Variants in C1QTNF1 observed in about 807,000 individuals in gnomAD.
The protein encoded by C1QTNF1 is complement C1q tumor necrosis factor-related protein 1.
Under a neutral mutation model 27.8 loss-of-function variants are expected in C1QTNF1, and 22 were observed. The ratio of observed to expected loss-of-function variants is 0.79; its 90% CI spans 0.56 to 1.13. C1QTNF1 has a LOEUF of 1.13. Among genes scored for constraint, C1QTNF1 ranks in the 50% most tolerant of loss-of-function variants. The pLI, the probability that C1QTNF1 is intolerant of heterozygous loss-of-function variation, is 0.00. For missense variants in C1QTNF1, 373 were observed against 380.2 expected, an observed-to-expected ratio of 0.98 and a Z score of 0.16; for synonymous variants, 166 against 154.3, an observed-to-expected ratio of 1.08 and a Z score of -0.56.
chr17:79,047,810 C>T lies in C1QTNF1; in HGVS notation c.568C>T (p.Pro190Ser). Residue 190 changes from proline (P) to serine (S), a missense_variant, in exon 4 of 4, where the codon CCC becomes TCC. Coordinates refer to ENST00000579760, the MANE Select transcript of C1QTNF1 (RefSeq NM_030968.5). ...MFTGKFYCYV[P>S]GLYFFSLNVH... ...CACCGGCAAGTTCTACTGCTACGTG[C>T]CCGGCCTCTACTTCTTCAGCCTCAA... 6.2e-7 allele frequency: 1 copy of T among 1,614,236 alleles called. No homozygotes were observed. The highest frequency in any genetic ancestry group is 1.1e-5 in the South Asian group (1 of 91,084).
chr17:79,029,623 C>A (rs1355199975), intron 1 of C1QTNF1, among the ~76,000 whole-genome samples: 1 of 152,214 alleles, frequency 6.6e-6, no homozygotes, highest in Non-Finnish European at 1.5e-5. Flanking sequence ...TTGCACATCA[C>A]GCACAGGATG....
At chr17:79,029,267 C>G (rs958828368) in intron 1 of C1QTNF1, among the ~76,000 whole-genome samples, 1 of 152,154 alleles carries the variant, frequency 6.6e-6, no homozygotes, top group African/African-American at 2.4e-5. Flanking sequence ...GGAGGAGGAG[C>G]CTATGCTCTC....
chr17:79,035,768 G>A (rs558958378), intron 1 of C1QTNF1, among the ~76,000 whole-genome samples: 1 of 152,176 alleles, frequency 6.6e-6, no homozygotes, highest in Admixed American at 6.5e-5. Flanking sequence ...CTAGATGTGG[G>A]ATAAAGTCCT....
upstream of C1QTNF1, among the ~76,000 whole-genome samples, chr17:79,023,837 C>T (rs925561893): frequency 1.4e-4 from 21 of 152,348 alleles, no homozygotes; most frequent in African/African-American, 5.1e-4. Flanking sequence ...GTTTGGAGAC[C>T]TGACCCCTCA....
At chr17:79,034,844 A>G (rs1316025307) in intron 1 of C1QTNF1, among the ~76,000 whole-genome samples, 2 of 152,192 alleles carry the variant, frequency 1.3e-5, no homozygotes, top group African/African-American at 4.8e-5. Flanking sequence ...GATAGGCTCC[A>G]GGACCCCAGC....
chr17:79,026,436 G>A (rs975636363), intron 1 of C1QTNF1, among the ~76,000 whole-genome samples: 3 of 152,202 alleles, frequency 2.0e-5, no homozygotes. Flanking sequence ...TTACAGGGGT[G>A]AGCCACCGCG....
At chr17:79,038,242 G>A (rs2072311848) in intron 1 of C1QTNF1, among the ~76,000 whole-genome samples, 1 of 152,316 alleles carries the variant, frequency 6.6e-6, no homozygotes, top group East Asian at 1.9e-4. Flanking sequence ...CACCTGCCTT[G>A]GCCTCCCAAA....
chr17:79,030,557 CTCTT>C (rs1367449739), intron 1 of C1QTNF1, among the ~76,000 whole-genome samples: 2 of 113,580 alleles, frequency 1.8e-5, no homozygotes, highest in Admixed American at 9.6e-5. Flanking sequence ...TTTCTTTCCT[CTCTT>C]TCTCTCTCTC....
chr17:79,039,803 A>G (rs547454677), intron 1 of C1QTNF1, among the ~76,000 whole-genome samples: 3,528 of 151,736 alleles, frequency 0.023, 120 homozygotes, highest in African/African-American at 0.081. Flanking sequence ...GTGTGTATAT[A>G]TATATATATG....
intron 2 of C1QTNF1, among the ~76,000 whole-genome samples, chr17:79,045,867 T>G (rs1203666851): frequency 6.6e-6 from 1 of 152,060 alleles, no homozygotes; most frequent in Non-Finnish European, 1.5e-5. Flanking sequence ...TAGCTGAACT[T>G]AGGGCACAGA....
At chr17:79,033,428 G>T (rs2072187015) in intron 1 of C1QTNF1, among the ~76,000 whole-genome samples, 1 of 152,192 alleles carries the variant, frequency 6.6e-6, no homozygotes, top group Admixed American at 6.5e-5. Context: ...GCAGAAAGAG[G>T]TCAGGCACGG....
chr17:79,044,687 G>C (rs2145927087), intron 2 of C1QTNF1, among the ~76,000 whole-genome samples: 1 of 152,330 alleles, frequency 6.6e-6, no homozygotes, highest in Non-Finnish European at 1.5e-5. Context: ...ATGACAGAGA[G>C]ACTCCAGCCG....
upstream of C1QTNF1, among the ~76,000 whole-genome samples, chr17:79,023,587 C>G (rs2071830027): frequency 6.6e-6 from 1 of 152,236 alleles, no homozygotes; most frequent in Non-Finnish European, 1.5e-5. Context: ...TCGTGCTGTT[C>G]TCTAGAAAAT....
chr17:79,038,912 G>C (rs1375173189), intron 1 of C1QTNF1, among the ~76,000 whole-genome samples: 1 of 152,330 alleles, frequency 6.6e-6, no homozygotes, highest in East Asian at 1.9e-4. Context: ...TTTCAGGAAG[G>C]AAAGATTTCA....
At chr17:79,026,614 C>T (rs2071969556) in intron 1 of C1QTNF1, among the ~76,000 whole-genome samples, 1 of 152,232 alleles carries the variant, frequency 6.6e-6, no homozygotes, top group Non-Finnish European at 1.5e-5. Context: ...ACTTCTCCTC[C>T]CGCCTCCCTC....
At chr17:79,047,238 CTTTTT>C in intron 3 of C1QTNF1, 1 of 276,914 alleles carries the variant, frequency 3.6e-6, no homozygotes. Context: ...TTTTTCTTTT[CTTTTT>C]TTTTTTTTTT....
At chr17:79,044,328 C>T (rs1029586418) in intron 2 of C1QTNF1, among the ~76,000 whole-genome samples, 19 of 152,154 alleles carry the variant, frequency 1.2e-4, no homozygotes, top group African/African-American at 3.6e-4. Context: ...CCTGAAACTG[C>T]GGACAGTGAT....
rs545938374 is a variant in C1QTNF1, at chr17:79,046,720, G to A, written c.295+26G>A. 1.9e-5 allele frequency: 31 copies of A among 1,613,576 alleles called. No homozygotes were observed. The highest frequency in any genetic ancestry group is 5.0e-5 in the Admixed American group (3 of 59,996). On this transcript the variant is annotated intron_variant, in intron 3 of 3. Coordinates refer to ENST00000579760, the MANE Select transcript of C1QTNF1 (RefSeq NM_030968.5). This position sits in a 1 kb window ranked among gnomAD's most constrained non-coding sequence, Gnocchi z 4.8. ...GTCAGATGGCTGCAAAGACAAGCAC[G>A]GGGTGGCCGGGCTGCTCTGTGCTGA...
chr17:79,036,786 A>G (rs894206736), intron 1 of C1QTNF1, among the ~76,000 whole-genome samples: 14 of 152,202 alleles, frequency 9.2e-5, no homozygotes, highest in African/African-American at 3.1e-4. Flanking sequence ...CATGCAAATC[A>G]TGGGCATTCA....
Sources: gnomAD v4.1 joint callset for allele counts (sites outside exome capture counted in the v4.1 genomes callset) on GRCh38, gnomAD v4.1.1 for gene constraint, Gnocchi (gnomAD v3.1) non-coding constraint, MANE v1.5 for transcripts, NCBI Gene and HGNC (gene_info 2026-07-23, HGNC 2026-07-21) for gene names.